The following CPNE5 variants were observed in gnomAD, a reference collection of about 807,000 sequenced individuals.
CPNE5 encodes copine 5, also known as copine-5.
A neutral mutation model predicts 81.1 loss-of-function variants in CPNE5; 42 were observed. The observed-to-expected ratio is 0.52, with a 90% confidence interval of 0.40 to 0.67. The LOEUF (loss-of-function observed/expected upper bound fraction) is 0.67, where lower values mean the gene tolerates loss of function less well. Ranked by LOEUF, CPNE5 falls within the 30% of genes least tolerant of loss-of-function variation. The pLI, the probability that CPNE5 is intolerant of heterozygous loss-of-function variation, is 0.00. For synonymous variants in CPNE5, 313 were observed against 321.5 expected (o/e 0.97, Z 0.28); for missense variants, 612 against 815.5 (o/e 0.75, Z 3.04).
At chr6:36,744,404 G>C in intron 18 of CPNE5, 79 bp from the exon 19 acceptor site, 2 of 1,115,506 alleles carry the variant, frequency 1.8e-6, no homozygotes, top group South Asian at 2.7e-5. Flanking sequence ...TCAGGGGTAG[G>C]ACAGGAAGGG....
intron 12 of CPNE5, among the ~76,000 whole-genome samples, chr6:36,762,350 A>ACG (rs148677834): frequency 0.091 from 13,723 of 151,140 alleles, 771 homozygotes; most frequent in Middle Eastern, 0.19. Context: ...ATACATGCTC[A>ACG]CACACACACA....
At chr6:36,808,995 A>G (rs1249965401) in intron 3 of CPNE5, among the ~76,000 whole-genome samples, 1 of 152,140 alleles carries the variant, frequency 6.6e-6, no homozygotes, top group Non-Finnish European at 1.5e-5. Context: ...CTGTGAATGG[A>G]GGCTGGGACT....
chr6:36,823,772 T>TTTAC, intron 1 of CPNE5, among the ~76,000 whole-genome samples: 1 of 152,294 alleles, frequency 6.6e-6, no homozygotes, highest in South Asian at 2.1e-4. Flanking sequence ...AAGGCTCCCA[T>TTTAC]TTACTGAGCC....
intron 8 of CPNE5, among the ~76,000 whole-genome samples, chr6:36,782,816 A>AACACACACACACACACAC (rs3997726): frequency 5.5e-5 from 7 of 126,230 alleles, no homozygotes; most frequent in African/African-American, 1.9e-4. Flanking sequence ...CAAAAACCAA[A>AACACACACACACACACAC]ACACACACAC....
chr6:36,829,936 T>G (rs868182835), intron 1 of CPNE5, among the ~76,000 whole-genome samples: 3 of 150,760 alleles, frequency 2.0e-5, no homozygotes, highest in African/African-American at 7.3e-5. Flanking sequence ...ACCCCATTTC[T>G]GCATGGAGCA....
At chr6:36,762,647 G>A (rs373521634) in intron 12 of CPNE5, among the ~76,000 whole-genome samples, 1 of 152,182 alleles carries the variant, frequency 6.6e-6, no homozygotes, top group Non-Finnish European at 1.5e-5. Flanking sequence ...TGTGAGAACT[G>A]CTCTTTATGG....
chr6:36,836,162 ATTGT>A (rs1773484244), intron 1 of CPNE5, among the ~76,000 whole-genome samples: 1 of 152,194 alleles, frequency 6.6e-6, no homozygotes. Flanking sequence ...AGTAAAAATA[ATTGT>A]TTGGGAGTAT....
At chr6:36,772,481 T>C (rs1165862657) in intron 10 of CPNE5, among the ~76,000 whole-genome samples, 1 of 152,234 alleles carries the variant, frequency 6.6e-6, no homozygotes, top group Non-Finnish European at 1.5e-5. Flanking sequence ...CAGTCTTATT[T>C]TGTGCACTTA....
intron 19 of CPNE5, 93 bp from the exon 20 acceptor site, chr6:36,743,855 A>C (rs1191727339): frequency 1.1e-5 from 13 of 1,149,384 alleles, no homozygotes; most frequent in Non-Finnish European, 1.6e-5. Flanking sequence ...ATCCCAGGCC[A>C]ATCCAGGGCC....
chr6:36,768,726 T>C (rs1307217137), intron 10 of CPNE5, among the ~76,000 whole-genome samples: 1 of 152,174 alleles, frequency 6.6e-6, no homozygotes, highest in African/African-American at 2.4e-5. Context: ...GAAATGGGCT[T>C]CTGCAGACCA....
At chr6:36,767,687 C>T (rs1055844731) in intron 10 of CPNE5, among the ~76,000 whole-genome samples, 3 of 152,212 alleles carry the variant, frequency 2.0e-5, no homozygotes, top group Non-Finnish European at 2.9e-5. Context: ...GGACCCCAGT[C>T]ATGGTGACAG....
intron 1 of CPNE5, among the ~76,000 whole-genome samples, chr6:36,823,559 T>A (rs936814786): frequency 1.3e-5 from 2 of 152,248 alleles, no homozygotes; most frequent in African/African-American, 4.8e-5. Flanking sequence ...TGGTCTCATC[T>A]GTACTGATAG....
At chr6:36,837,634 C>T (rs897735872) in intron 1 of CPNE5, among the ~76,000 whole-genome samples, 2 of 152,138 alleles carry the variant, frequency 1.3e-5, no homozygotes, top group Non-Finnish European at 2.9e-5. Flanking sequence ...ATGATTTGAG[C>T]TGTGTGTCTC....
In CPNE5 at chr6:36,796,716, T is replaced by C. The variant is rs1769610853; in HGVS notation, c.404+1449A>G. ...AGAGGCCCTCAAATTCTATAAGCTA[T>C]AGAGACCCCCAAAACAGGGGTTTTC... On this transcript the variant is annotated intron_variant, in intron 6 of 20. Coordinates refer to ENST00000244751, the MANE Select transcript of CPNE5 (RefSeq NM_020939.2). 3.3e-5 allele frequency among the ~76,000 whole-genome samples: 5 copies of C among 152,206 alleles called. No homozygotes were observed. The South Asian group carries it at 1.0e-3, about 32-fold the overall frequency.
chr6:36,748,962 G>C (rs907637937), intron 14 of CPNE5, among the ~76,000 whole-genome samples: 11 of 152,088 alleles, frequency 7.2e-5, no homozygotes, highest in Non-Finnish European at 1.5e-4. Flanking sequence ...TTGGAAAAGA[G>C]GTCTCGCTCT....
intron 9 of CPNE5, 108 bp downstream of exon 9, chr6:36,778,746 A>G (rs1220045700): frequency 2.4e-5 from 19 of 776,270 alleles, no homozygotes; most frequent in Non-Finnish European, 4.0e-5. Flanking sequence ...CTAGAGCAGA[A>G]GGAGATGGGC....
intron 9 of CPNE5, among the ~76,000 whole-genome samples, chr6:36,775,626 A>C (rs1582837782): frequency 6.7e-6 from 1 of 149,604 alleles, no homozygotes; most frequent in African/African-American, 2.5e-5. Flanking sequence ...TCTCCACGAA[A>C]CCTCCCCTGA....
chr6:36,758,253 G>A (rs530587219), intron 12 of CPNE5, among the ~76,000 whole-genome samples: 1 of 152,254 alleles, frequency 6.6e-6, no homozygotes, highest in East Asian at 1.9e-4. Context: ...AGAACAGTTT[G>A]GAATGTAGTA....
At chr6:36,761,968 A>G (rs112771444) in intron 12 of CPNE5, among the ~76,000 whole-genome samples, 5 of 152,256 alleles carry the variant, frequency 3.3e-5, no homozygotes, top group African/African-American at 7.2e-5. Context: ...GGGAGAGCAC[A>G]CAGTAGAACG....
Sources: gnomAD v4.1 joint callset for allele counts (sites outside exome capture counted in the v4.1 genomes callset) on GRCh38, gnomAD v4.1.1 for gene constraint, MANE v1.5 for transcripts, NCBI Gene and HGNC (gene_info 2026-07-23, HGNC 2026-07-21) for gene names.